The following TENT5D variants were observed in gnomAD, a reference collection of about 807,000 sequenced individuals.
TENT5D encodes terminal nucleotidyltransferase 5D.
For missense variants in TENT5D, 191 were observed against 287.0 expected, an observed-to-expected ratio of 0.67 and a Z score of 2.42; for synonymous variants, 103 against 100.6, an observed-to-expected ratio of 1.02 and a Z score of -0.15.
At chrX:80,381,038 A>G (rs1203856417) in intron 3 of TENT5D, among the ~76,000 whole-genome samples, 2 of 111,774 alleles carry the variant, frequency 1.8e-5, no homozygotes, top group African/African-American at 6.5e-5. Context: ...TAGTTGATGC[A>G]GTTTCTTCCT....
chrX:80,349,342 T>G (rs1930128736), intron 3 of TENT5D, among the ~76,000 whole-genome samples: 1 of 111,870 alleles, frequency 8.9e-6, no homozygotes, highest in Non-Finnish European at 1.9e-5. Context: ...CAGAACTTGT[T>G]ATTGGTCTAT....
At chrX:80,430,764 G>A (rs1932073302) in intron 1 of TENT5D, among the ~76,000 whole-genome samples, 1 of 111,223 alleles carries the variant, frequency 9.0e-6, no homozygotes, top group African/African-American at 3.3e-5. Context: ...GAGTTCCAGT[G>A]TTTTAGAATG....
At chrX:80,353,110 G>GT (rs1244242057) in intron 3 of TENT5D, among the ~76,000 whole-genome samples, 2 of 112,365 alleles carry the variant, frequency 1.8e-5, no homozygotes, top group Non-Finnish European at 3.8e-5. Flanking sequence ...GACTGGAGCT[G>GT]TTCCTATTCT....
intron 3 of TENT5D, among the ~76,000 whole-genome samples, chrX:80,384,731 A>G (rs1216776571): frequency 3.8e-5 from 4 of 105,990 alleles, no homozygotes; most frequent in Non-Finnish European, 7.7e-5. Context: ...GCAAAGTCTC[A>G]GGATACAAAG....
chrX:80,385,157 C>G lies in TENT5D; in HGVS notation c.-142+42593C>G, dbSNP rs1393346721. 8.1e-5 allele frequency among the ~76,000 whole-genome samples: 9 copies of G among 111,531 alleles called. No individual in the cohort carries two copies. In the East Asian group the frequency reaches 2.3e-3, roughly 28 times the overall value. On this transcript the variant is annotated intron_variant, in intron 3 of 4. Coordinates refer to the TENT5D transcript ENST00000538312. The stretch of plus-strand genomic sequence containing the variant: ...GAACAAAGCTGGAGGCATCACACTA[C>G]CTGACTTCAAACTATACTACAAGGC...
intron 1 of TENT5D, among the ~76,000 whole-genome samples, chrX:80,421,289 G>A (rs1931879173): frequency 9.0e-6 from 1 of 111,370 alleles, no homozygotes; most frequent in African/African-American, 3.3e-5. Context: ...AGGTTCAAGC[G>A]ATTCTCCTGC....
intron 1 of TENT5D, among the ~76,000 whole-genome samples, chrX:80,424,032 C>A (rs1011624007): frequency 9.0e-6 from 1 of 110,756 alleles, no homozygotes; most frequent in African/African-American, 3.3e-5. Flanking sequence ...CTCTCTTATT[C>A]TCCCCCTCAG....
chrX:80,435,890 A>G (rs1385439126), intron 1 of TENT5D, among the ~76,000 whole-genome samples: 3 of 112,330 alleles, frequency 2.7e-5, no homozygotes. Flanking sequence ...ACAATTTCTT[A>G]ATTTCCATTT....
chrX:80,436,538 C>T (rs1179880079), intron 1 of TENT5D, among the ~76,000 whole-genome samples: 2 of 110,428 alleles, frequency 1.8e-5, no homozygotes, highest in Non-Finnish European at 3.8e-5. Flanking sequence ...CTATTCCTCC[C>T]CTAGCCCCCC....
At chrX:80,427,408 A>G (rs983381152) in intron 1 of TENT5D, among the ~76,000 whole-genome samples, 3 of 112,390 alleles carry the variant, frequency 2.7e-5, no homozygotes, top group Admixed American at 9.5e-5. Context: ...TGTGACTTGC[A>G]TAATTTAGAC....
At chrX:80,396,594 G>C (rs1334544374) in intron 3 of TENT5D, among the ~76,000 whole-genome samples, 4 of 110,448 alleles carry the variant, frequency 3.6e-5, no homozygotes, top group Non-Finnish European at 7.6e-5. Context: ...TTGAGGGTAA[G>C]GTCAGAGATC....
At chrX:80,362,225 G>T (rs1284631330) in intron 3 of TENT5D, among the ~76,000 whole-genome samples, 1 of 110,193 alleles carries the variant, frequency 9.1e-6, no homozygotes, top group African/African-American at 3.3e-5. Flanking sequence ...GTGCAGTGGT[G>T]CCATCTCAGC....
At chrX:80,341,151 A>G (rs867090856) in intron 2 of TENT5D, among the ~76,000 whole-genome samples, 44 of 112,506 alleles carry the variant, frequency 3.9e-4, no homozygotes, top group African/African-American at 1.1e-3. Context: ...GACTATGCAC[A>G]TTTGCAAAAA....
At chrX:80,398,351 T>G (rs974549008) in intron 3 of TENT5D, among the ~76,000 whole-genome samples, 5 of 112,148 alleles carry the variant, frequency 4.5e-5, no homozygotes, top group African/African-American at 1.6e-4. Context: ...TTCTGTACAT[T>G]GTGTTTCTAC....
intron 1 of TENT5D, among the ~76,000 whole-genome samples, chrX:80,430,138 TA>T (rs1317120024): frequency 3.6e-5 from 4 of 111,136 alleles, no homozygotes; most frequent in Non-Finnish European, 7.5e-5. Flanking sequence ...TGGCTAGGAG[TA>T]AAAAAACATT....
intron 3 of TENT5D, among the ~76,000 whole-genome samples, chrX:80,382,909 C>T (rs961522077): frequency 1.9e-4 from 21 of 112,286 alleles, no homozygotes; most frequent in African/African-American, 6.1e-4. Context: ...CACGGCTTCC[C>T]TTGGCCAGGA....
chrX:80,349,544 C>G (rs79072599), intron 3 of TENT5D, among the ~76,000 whole-genome samples: 1 of 110,281 alleles, frequency 9.1e-6, no homozygotes, highest in Non-Finnish European at 1.9e-5. Context: ...TGATTCTTCT[C>G]TCTTTTCTTC....
intron 1 of TENT5D, among the ~76,000 whole-genome samples, chrX:80,428,138 A>T (rs1932018771): frequency 8.9e-6 from 1 of 112,334 alleles, no homozygotes; most frequent in South Asian, 3.7e-4. Context: ...CTATCTGTTC[A>T]CAATAATGTT....
At chrX:80,409,773 G>A (rs1373422949) in intron 3 of TENT5D, among the ~76,000 whole-genome samples, 1 of 105,383 alleles carries the variant, frequency 9.5e-6, no homozygotes, top group Non-Finnish European at 2.0e-5. Context: ...AACCAAAAAA[G>A]AGCCCGCATC....
Sources: gnomAD v4.1 joint callset for allele counts (sites outside exome capture counted in the v4.1 genomes callset) on GRCh38, gnomAD v4.1.1 for gene constraint, MANE v1.5 for transcripts, NCBI Gene and HGNC (gene_info 2026-07-23, HGNC 2026-07-21) for gene names.